The following SSBP1 variants were observed in gnomAD, a reference collection of about 807,000 sequenced individuals.
SSBP1 encodes single stranded DNA binding protein 1, also known as single-stranded DNA-binding protein, mitochondrial.
In SSBP1, 20 loss-of-function variants were observed where a neutral mutation model predicts 27.0. The observed-to-expected ratio is 0.74, with a 90% confidence interval of 0.52 to 1.08. SSBP1 has a LOEUF of 1.08. SSBP1 is among the 50% of genes least tolerant of loss of function. The pLI, the probability that SSBP1 is intolerant of heterozygous loss-of-function variation, is 0.00. For synonymous variants in SSBP1, 59 were observed against 59.3 expected (o/e 1.00, Z 0.02); for missense variants, 137 against 182.4 (o/e 0.75, Z 1.44).
intron 5 of SSBP1, among the ~76,000 whole-genome samples, chr7:141,744,278 T>C (rs1273209361): frequency 1.3e-5 from 2 of 152,196 alleles, no homozygotes; most frequent in African/African-American, 4.8e-5. Flanking sequence ...GAAGGCAAAG[T>C]GTATCAAGTG....
At chr7:141,750,010 A>C (rs928345459) in intron 6 of SSBP1, among the ~76,000 whole-genome samples, 1 of 152,166 alleles carries the variant, frequency 6.6e-6, no homozygotes, top group Non-Finnish European at 1.5e-5. Context: ...GCAAGCATCC[A>C]ATTTTGTGAC....
At chr7:141,745,699 A>G (rs1799756232) in intron 6 of SSBP1, 115 bp downstream of exon 6, 28 of 1,467,994 alleles carry the variant, frequency 1.9e-5, no homozygotes, top group Non-Finnish European at 2.5e-5. Context: ...AGTTAAGGCA[A>G]CTCACTAGAA....
chr7:141,741,817 A>G (rs1367876881), intron 2 of SSBP1: 19 of 1,017,218 alleles, frequency 1.9e-5, no homozygotes, highest in Non-Finnish European at 2.1e-5. Context: ...TACAAATATT[A>G]TCATACTCTG....
chr7:141,745,651 A>G (rs756498655), intron 6 of SSBP1, 67 bp downstream of exon 6: 2 of 1,592,546 alleles, frequency 1.3e-6, no homozygotes, highest in Non-Finnish European at 1.7e-6. Flanking sequence ...GCTTGGCTAC[A>G]CTGTAACTAA....
At chr7:141,749,520 G>A (rs1323272751) in intron 6 of SSBP1, among the ~76,000 whole-genome samples, 1 of 152,208 alleles carries the variant, frequency 6.6e-6, no homozygotes, top group African/African-American at 2.4e-5. Flanking sequence ...CGGTGCTCAT[G>A]CCTGTAATCC....
At chr7:141,746,032 T>G (rs1247786067) in intron 6 of SSBP1, 2 of 955,784 alleles carry the variant, frequency 2.1e-6, no homozygotes, top group African/African-American at 1.8e-5. Context: ...TTAATTTTAT[T>G]TTTTTTGAGC....
rs200032611 is a variant in SSBP1, at chr7:141,743,043, T to C, written c.86-518T>C. Among the ~76,000 whole-genome samples, 94 of 152,238 alleles carry C rather than the reference T, an allele frequency of 6.2e-4. 1 individual carries two copies. The highest frequency in any genetic ancestry group is 4.1e-3 in the East Asian group (21 of 5,168). On this transcript the variant is annotated intron_variant, in intron 3 of 6. Transcript: ENST00000265304. ...CTAATTTTTTGTATTTTAGTAGAGA[T>C]GGGGTTTCACCGTGTTAGCCAGCAT...
chr7:141,738,611 C>T (rs1326672171), intron 1 of SSBP1: 2 of 152,518 alleles, frequency 1.3e-5, no homozygotes, highest in Non-Finnish European at 2.9e-5. Context: ...GTGTCCACCT[C>T]TCCCTATGGT....
At chr7:141,742,304 A>G (rs1211503727) in intron 3 of SSBP1, 75 bp downstream of exon 3, 1 of 1,154,380 alleles carries the variant, frequency 8.7e-7, no homozygotes, top group Non-Finnish European at 1.3e-6. Context: ...TAGAAGAGGT[A>G]TGCTGCTTGG....
At chr7:141,741,272 G>A (rs1318160353) in intron 2 of SSBP1, 1 of 152,258 alleles carries the variant, frequency 6.6e-6, no homozygotes, top group East Asian at 1.9e-4. Context: ...ATGGGGTTCT[G>A]CTCCTGTGAG....
At chr7:141,745,703 A>T (rs112909022) in intron 6 of SSBP1, 119 bp downstream of exon 6, 3 of 1,453,546 alleles carry the variant, frequency 2.1e-6, no homozygotes, top group Non-Finnish European at 2.7e-6. Context: ...AAGGCAACTC[A>T]CTAGAAGATG....
At chr7:141,743,472 A>C in intron 3 of SSBP1, 89 bp from the exon 4 acceptor site, 11 of 1,470,818 alleles carry the variant, frequency 7.5e-6, no homozygotes, top group Non-Finnish European at 9.3e-6. Flanking sequence ...ATTGAGGGTT[A>C]GAGCTTCAAC....
chr7:141,743,533 C>G, intron 3 of SSBP1, 28 bp from the exon 4 acceptor site: 1 of 1,611,922 alleles, frequency 6.2e-7, no homozygotes, highest in East Asian at 2.2e-5. Context: ...AGCAGGTTGT[C>G]TCATTTGGTC....
chr7:141,739,229 A>C (rs371656187), intron 2 of SSBP1, 39 bp downstream of exon 2: 1 of 1,537,244 alleles, frequency 6.5e-7, no homozygotes, highest in South Asian at 1.3e-5. Context: ...ATGTATTACT[A>C]TCAGCCACAG....
intron 6 of SSBP1, chr7:141,745,938 A>G: frequency 9.8e-7 from 1 of 1,019,134 alleles, no homozygotes; most frequent in Non-Finnish European, 1.2e-6. Context: ...CAAGATAAGA[A>G]TTACACTAAT....
intron 3 of SSBP1, 114 bp downstream of exon 3, chr7:141,742,343 C>T: frequency 1.4e-6 from 1 of 707,932 alleles, no homozygotes; most frequent in South Asian, 1.7e-5. Flanking sequence ...GTGCTTTTAG[C>T]TCATGTTTGC....
At chr7:141,748,945 C>T (rs1003454908) in intron 6 of SSBP1, among the ~76,000 whole-genome samples, 8 of 152,244 alleles carry the variant, frequency 5.3e-5, no homozygotes, top group East Asian at 1.9e-4. Context: ...TTTTGGAAGA[C>T]TATGGTCATG....
intron 3 of SSBP1, among the ~76,000 whole-genome samples, chr7:141,743,096 G>A (rs548798778): frequency 9.9e-4 from 151 of 152,196 alleles, no homozygotes; most frequent in Non-Finnish European, 1.8e-3. Flanking sequence ...CTTGTGATCC[G>A]CCCGCCTTGG....
At chr7:141,743,461 C>T (rs1799644579) in intron 3 of SSBP1, 100 bp from the exon 4 acceptor site, 13 of 1,382,572 alleles carry the variant, frequency 9.4e-6, no homozygotes, top group Non-Finnish European at 1.3e-5. Flanking sequence ...AATACCATTA[C>T]ATTGAGGGTT....
Sources: gnomAD v4.1 joint callset for allele counts (sites outside exome capture counted in the v4.1 genomes callset) on GRCh38, gnomAD v4.1.1 for gene constraint, MANE v1.5 for transcripts, NCBI Gene and HGNC (gene_info 2026-07-23, HGNC 2026-07-21) for gene names.